The following STK32C variants were observed in gnomAD, a reference collection of about 807,000 sequenced individuals.
STK32C encodes the protein serine/threonine-protein kinase 32C.
In STK32C, 31 loss-of-function variants were observed where a neutral mutation model predicts 56.5. That is an observed-to-expected ratio of 0.55 (90% confidence interval 0.41 to 0.74). The LOEUF is 0.74. STK32C is among the 30% of genes least tolerant of loss of function. STK32C has a pLI of 0.00. For missense variants in STK32C, 544 were observed against 676.9 expected, an observed-to-expected ratio of 0.80 and a Z score of 2.18; for synonymous variants, 309 against 289.4, an observed-to-expected ratio of 1.07 and a Z score of -0.69.
At chr10:132,284,084 A>C (rs1256547150) in intron 1 of STK32C, among the ~76,000 whole-genome samples, 1 of 151,888 alleles carries the variant, frequency 6.6e-6, no homozygotes, top group Admixed American at 6.6e-5. Flanking sequence ...CCTCTGACCA[A>C]CCATGAGCAG....
At chr10:132,308,707 C>T (rs1394736940), upstream of STK32C, among the ~76,000 whole-genome samples, 1 of 152,186 alleles carries the variant, frequency 6.6e-6, no homozygotes, top group Admixed American at 6.5e-5. Flanking sequence ...GGCCTGAGAC[C>T]GCGTGCCCGA....
At position 132,307,345 on chromosome 10, in the gene STK32C, G is replaced by T; in HGVS notation, c.262+227C>A. 2.4e-6 allele frequency: 1 copy of T among 413,032 alleles called. No homozygotes were observed. The highest frequency in any genetic ancestry group is 4.2e-6 in the Non-Finnish European group (1 of 238,696). 25.6% of individuals were successfully genotyped at this position (413,032 alleles called of 1,614,324 possible). A position where few individuals can be genotyped will look rare whatever the true frequency, so the allele number is the denominator to read the frequency against. ...GGGGACCCTCGCCCCGAGGGCCCGGGCCCAGCCTGCTCCTCCTGCGGCGCC... is the reference window on the plus strand; with the variant it reads ...GGGGACCCTCGCCCCGAGGGCCCGGTCCCAGCCTGCTCCTCCTGCGGCGCC... On this transcript the variant is annotated intron_variant, in intron 1 of 11. Transcript: ENST00000298630. The surrounding 1 kb of genome is among the most constrained non-coding windows in gnomAD (Gnocchi z 4.4).
intron 2 of STK32C, among the ~76,000 whole-genome samples, chr10:132,235,493 T>TCAAAAAA (rs1565091831): frequency 0.28 from 19,773 of 71,014 alleles, 5,620 homozygotes; most frequent in Non-Finnish European, 0.33. Context: ...AGACTCAGCC[T>TCAAAAAA]TAAAAAAAAA....
chr10:132,262,670 T>G (rs900216986), intron 1 of STK32C, among the ~76,000 whole-genome samples: 1 of 145,520 alleles, frequency 6.9e-6, no homozygotes, highest in Non-Finnish European at 1.5e-5. Flanking sequence ...CCCAGCACTT[T>G]GGGAGGCTGA....
rs540391885 is a variant in STK32C at position 132,244,325 on chromosome 10, C to G, written c.318+1575G>C. Among the ~76,000 whole-genome samples the G allele has an allele frequency of 1.4e-3, 220 of 152,366 alleles. 2 individuals are homozygous for G. The highest frequency in any genetic ancestry group is 4.8e-3 in the African/African-American group (201 of 41,594). On this transcript the variant is annotated intron_variant, in intron 2 of 11. Coordinates refer to ENST00000298630, the MANE Select transcript of STK32C (RefSeq NM_173575.4). The stretch of plus-strand genomic sequence containing the variant: ...CCACAGCCGCCCATTTCTGGGCCAG[C>G]TGGCGTTTCCGAGCCTCTTAAGGAC...
intron 1 of STK32C, among the ~76,000 whole-genome samples, chr10:132,273,759 T>C (rs2064908638): frequency 1.3e-5 from 2 of 151,910 alleles, no homozygotes; most frequent in South Asian, 4.2e-4. Context: ...ATGAATGCAG[T>C]GAGTGAATGA....
chr10:132,209,457 C>T (rs920599767), intron 10 of STK32C: 33 of 452,698 alleles, frequency 7.3e-5, no homozygotes, highest in Non-Finnish European at 1.3e-4. Flanking sequence ...GTTCTCCCAG[C>T]CCCTCATCAC....
In STK32C at chr10:132,307,949, C is replaced by A; in HGVS notation, c.-116G>T. ...CCGGCAGCGCCCGCCGTGCGCTCTT[C>A]TGGGCGGTGGAACCCGCCCCGTAGA... On this transcript the variant is annotated 5_prime_UTR_variant, in exon 1 of 12. Transcript: ENST00000298630. This position sits in a 1 kb window ranked among gnomAD's most constrained non-coding sequence, Gnocchi z 4.4. 1 of 1,036,260 alleles carries A rather than the reference C, an allele frequency of 9.7e-7. No homozygotes were observed. Among genetic ancestry groups the A allele is most frequent in the Non-Finnish European group, 1.2e-6 (1 of 866,724 alleles). 64.2% of individuals were successfully genotyped at this position (1,036,260 alleles called of 1,614,324 possible).
chr10:132,223,087 A>C, intron 8 of STK32C, 101 bp from the exon 9 acceptor site: 1 of 1,442,782 alleles, frequency 6.9e-7, no homozygotes, highest in Non-Finnish European at 9.2e-7. Context: ...GGTCCCACCA[A>C]GCCTGAGGTT....
chr10:132,227,423 G>A (rs1448169401), intron 3 of STK32C, among the ~76,000 whole-genome samples: 1 of 152,216 alleles, frequency 6.6e-6, no homozygotes, highest in East Asian at 1.9e-4. Context: ...TGGCAGTGAT[G>A]GTGGTGGTGG....
chr10:132,295,861 C>T (rs1039791925), intron 1 of STK32C, among the ~76,000 whole-genome samples: 4 of 151,750 alleles, frequency 2.6e-5, no homozygotes, highest in East Asian at 3.9e-4. Flanking sequence ...CCAGCCCGGG[C>T]GACGGAGCAA....
chr10:132,279,262 C>T (rs1461815685), intron 1 of STK32C, among the ~76,000 whole-genome samples: 1 of 152,190 alleles, frequency 6.6e-6, no homozygotes, highest in East Asian at 1.9e-4. Context: ...GTGTCCATAA[C>T]AGGCGAGGTG....
chr10:132,249,132 G>A (rs116043737), intron 1 of STK32C: 4 of 451,336 alleles, frequency 8.9e-6, no homozygotes, highest in South Asian at 3.1e-5. Context: ...GGGCTGTGGC[G>A]TCAGGGCGTG....
chr10:132,312,991 G>A (rs1389313740), intron 1 of STK32C, among the ~76,000 whole-genome samples: 1 of 152,220 alleles, frequency 6.6e-6, no homozygotes, highest in Non-Finnish European at 1.5e-5. Flanking sequence ...TGTGAGCCGA[G>A]ATCACGCCAC....
chr10:132,265,984 A>G (rs529412601), intron 1 of STK32C, among the ~76,000 whole-genome samples: 36 of 152,344 alleles, frequency 2.4e-4, no homozygotes, highest in African/African-American at 8.4e-4. Context: ...CGGCAATTCC[A>G]TTCCTAGCTA....
At chr10:132,217,229 T>C (rs1038347596) in intron 10 of STK32C, among the ~76,000 whole-genome samples, 18 of 152,252 alleles carry the variant, frequency 1.2e-4, no homozygotes, top group Non-Finnish European at 2.4e-4. Context: ...ATGTGAGAGA[T>C]AGAGTCAAAG....
chr10:132,274,807 T>A (rs2064948855), intron 1 of STK32C, among the ~76,000 whole-genome samples: 1 of 152,136 alleles, frequency 6.6e-6, no homozygotes, highest in Non-Finnish European at 1.5e-5. Flanking sequence ...CACCTGTCGC[T>A]CCGCCGCACA....
At chr10:132,215,004 T>C (rs2062426096) in intron 10 of STK32C, among the ~76,000 whole-genome samples, 1 of 152,198 alleles carries the variant, frequency 6.6e-6, no homozygotes, top group East Asian at 1.9e-4. Context: ...AGATATCATA[T>C]TGAACTATAT....
intron 10 of STK32C, among the ~76,000 whole-genome samples, chr10:132,211,491 G>A (rs868414964): frequency 2.0e-5 from 3 of 152,346 alleles, no homozygotes; most frequent in African/African-American, 7.2e-5. Context: ...CATCTGGAAG[G>A]GGTGGCTCTG....
Sources: allele counts gnomAD v4.1 joint callset (sites outside exome capture counted in the v4.1 genomes callset), GRCh38; gene constraint gnomAD v4.1.1; non-coding constraint Gnocchi (gnomAD v3.1); transcripts MANE v1.5; gene names NCBI Gene and HGNC (gene_info 2026-07-23, HGNC 2026-07-21).